The following OTOG variants were observed in gnomAD, a reference collection of about 807,000 sequenced individuals.
OTOG encodes otogelin.
A neutral mutation model predicts 313.8 loss-of-function variants in OTOG; 296 were observed. The observed-to-expected ratio is 0.94, with a 90% CI of 0.86 to 1.04. The LOEUF (loss-of-function observed/expected upper bound fraction) is 1.04. OTOG is among the 50% of genes least tolerant of loss of function. The pLI is 0.00. For synonymous variants in OTOG, 1,533 were observed against 1,554.9 expected, an observed-to-expected ratio of 0.99 and a Z score of 0.33; for missense variants, 3,948 against 3,840.1, an observed-to-expected ratio of 1.03 and a Z score of -0.74.
intron 39 of OTOG, 150 bp downstream of exon 39, chr11:17,613,851 T>C: frequency 1.5e-6 from 1 of 651,858 alleles, no homozygotes; most frequent in Non-Finnish European, 2.7e-6. Flanking sequence ...CAAAATTAGG[T>C]ATATTTGGAA....
chr11:17,601,266 C>A (rs1388973695), intron 31 of OTOG, among the ~76,000 whole-genome samples: 1 of 152,104 alleles, frequency 6.6e-6, no homozygotes, highest in South Asian at 2.1e-4. Context: ...GGAGGGACAA[C>A]ATTTGCATGT....
At chr11:17,576,775 T>G in intron 21 of OTOG, 93 bp from the exon 22 acceptor site, 1 of 1,503,026 alleles carries the variant, frequency 6.7e-7, no homozygotes, top group East Asian at 2.5e-5. Context: ...GGTGTCTTTC[T>G]GAACTCTGCA....
Position 17,559,659 on chromosome 11 carries a change from A to G in OTOG, c.1339A>G (p.Asn447Asp), listed in dbSNP as rs2134008111. ...CTGTGTGGACGGCTGCTATTGCCCC[A>G]ATGGTATGCTAGGGGCAGACGTAGG... is the stretch of plus-strand genomic sequence containing the variant. ...IACVDGCYCP[N>D]GLIFEDGGCV... The change falls in exon 12 of 56, where the codon AAT (asparagine) becomes GAT (aspartate). Residue 447 changes from asparagine (N) to aspartate (D), a missense_variant. Coordinates refer to ENST00000399397, the MANE Select transcript of OTOG (RefSeq NM_001292063.2). 2 of 1,550,694 alleles carry G rather than the reference A, an allele frequency of 1.3e-6. No homozygotes were observed. The highest frequency in any genetic ancestry group is 1.7e-6 in the Non-Finnish European group (2 of 1,147,036).
chr11:17,589,223 C>T (rs1457265346), intron 24 of OTOG, among the ~76,000 whole-genome samples: 1 of 152,102 alleles, frequency 6.6e-6, no homozygotes, highest in Non-Finnish European at 1.5e-5. Context: ...TCGAAAAGGC[C>T]CTTAGAGCTG....
intron 25 of OTOG, among the ~76,000 whole-genome samples, chr11:17,592,638 A>G (rs1484384931): frequency 6.6e-6 from 1 of 152,192 alleles, no homozygotes; most frequent in Non-Finnish European, 1.5e-5. Flanking sequence ...ACTTGATTTC[A>G]TATAGTTGGT....
Position 17,578,589 on chromosome 11 carries a change from G to C in OTOG, c.2759+63G>C. The C allele has an allele frequency of 2.1e-6, 3 of 1,459,392 alleles. No individual in the cohort carries two copies. The South Asian group carries it at 4.2e-5, about 20-fold the overall frequency. The allele number at this position is 1,459,392 out of a possible 1,614,324, so 90.4% of individuals were successfully genotyped here. On this transcript the variant is annotated intron_variant, in intron 23 of 55. Coordinates refer to ENST00000399397, the MANE Select transcript of OTOG (RefSeq NM_001292063.2). ...GGCTGGCAGAACCAAGGGCCACAGG[G>C]TGGAGTGGGGGCAGGGAAAACATCA...
Position 17,643,107 on chromosome 11 carries a change from A to G in OTOG, c.8416-354A>G, listed in dbSNP as rs777281150. On this transcript the variant is annotated intron_variant, in intron 53 of 55. Transcript: ENST00000399397. ...CCAGGGCTGAGGTAGAGCCCAGGCC[A>G]CTGACCAAAGTGGGTGACCCCTGCG... Among the ~76,000 whole-genome samples the G allele has an allele frequency of 6.9e-4, 105 of 152,368 alleles. 1 individual carries two copies. The highest frequency in any genetic ancestry group is 6.8e-3 in the Middle Eastern group (2 of 294).
In OTOG at chr11:17,610,930, T is replaced by G; in HGVS notation, c.5630T>G (p.Leu1877Arg). ...GCAGCAGGCACAGCTCCAGGCCTGC[T>G]GCTGGGAGCCACATTGCCAACCTCT... is the stretch of plus-strand genomic sequence containing the variant. Reference protein sequence around the residue: ...PPAAGTAPGLLLGATLPTSGV... With the variant: ...PPAAGTAPGLRLGATLPTSGV... The change falls in exon 36 of 56, where the codon CTG becomes CGG. Residue 1877 changes from leucine (L) to arginine (R), a missense_variant. Transcript: ENST00000399397. The G allele has an allele frequency of 6.5e-7, 1 of 1,550,296 alleles. No homozygotes were observed. The highest frequency in any genetic ancestry group is 8.7e-7 in the Non-Finnish European group (1 of 1,146,926).
intron 1 of OTOG, chr11:17,547,679 C>A: frequency 1.1e-6 from 1 of 926,084 alleles, no homozygotes; most frequent in Non-Finnish European, 1.4e-6. Context: ...CAAAGTTAGG[C>A]TGGGTGGAAG....
At chr11:17,591,695 G>A (rs1852941513) in intron 25 of OTOG, 107 bp downstream of exon 25, 1 of 1,388,424 alleles carries the variant, frequency 7.2e-7, no homozygotes, top group Non-Finnish European at 9.7e-7. Flanking sequence ...GGGGATCTAA[G>A]CCCTGAGGTG....
intron 6 of OTOG, 114 bp downstream of exon 6, chr11:17,553,633 C>T (rs542311051): frequency 7.1e-5 from 72 of 1,020,624 alleles, no homozygotes; most frequent in Middle Eastern, 3.2e-4. Flanking sequence ...CTCCTTGCAT[C>T]GCCCCCCAGC....
In OTOG at chr11:17,603,428, T is replaced by G. The variant is rs113576600; in HGVS notation, c.3877+1051T>G. On this transcript the variant is annotated intron_variant, in intron 32 of 55. Coordinates refer to ENST00000399397, the MANE Select transcript of OTOG (RefSeq NM_001292063.2). The stretch of plus-strand genomic sequence containing the variant: ...CAGTATTTTAATCTAGTAGGTAATG[T>G]GTAGTCCAGAGGGGGTGTTGCCTTT... Among the ~76,000 whole-genome samples the G allele has an allele frequency of 3.4e-3, 514 of 152,304 alleles. 3 individuals are homozygous for G. The highest frequency in any genetic ancestry group is 0.012 in the African/African-American group (489 of 41,566).
chr11:17,629,101 C>T, intron 39 of OTOG, 32 bp from the exon 40 acceptor site: 2 of 1,531,596 alleles, frequency 1.3e-6, no homozygotes, highest in Non-Finnish European at 8.8e-7. Flanking sequence ...AATGGATGGA[C>T]AAGCTGTGCT....
Position 17,594,366 on chromosome 11 carries a change from G to A in OTOG, c.3408+200G>A, listed in dbSNP as rs192896299. ...TGCATAGTCTTGTCTCACAAATCCA[G>A]CTGCCCACCCTACCCTGGACCAAGC... On this transcript the variant is annotated intron_variant, in intron 28 of 55. Coordinates refer to ENST00000399397, the MANE Select transcript of OTOG (RefSeq NM_001292063.2). Among the ~76,000 whole-genome samples the A allele has an allele frequency of 4.1e-4, 63 of 152,258 alleles. No individual in the cohort carries two copies. The East Asian group carries it at 7.4e-3, about 18-fold the overall frequency.
chr11:17,572,011 A>G, intron 17 of OTOG, 69 bp from the exon 18 acceptor site: 1 of 1,541,188 alleles, frequency 6.5e-7, no homozygotes, highest in Non-Finnish European at 8.8e-7. Flanking sequence ...TGTTACCTGG[A>G]TCTATGCTAT....
chr11:17,592,902 G>A (rs1007811835), intron 25 of OTOG, among the ~76,000 whole-genome samples: 1 of 152,226 alleles, frequency 6.6e-6, no homozygotes, highest in African/African-American at 2.4e-5. Context: ...ATGTATGTGA[G>A]ACAGTGCCTC....
chr11:17,614,760 G>A (rs1853681745), intron 39 of OTOG, among the ~76,000 whole-genome samples: 1 of 152,200 alleles, frequency 6.6e-6, no homozygotes, highest in South Asian at 2.1e-4. Context: ...TCCATTGTAT[G>A]TATGTACCAT....
chr11:17,570,143 C>T lies in OTOG; in HGVS notation c.1778-70C>T. 4 of 1,380,528 alleles carry T rather than the reference C, an allele frequency of 2.9e-6. No homozygotes were observed. In the South Asian group the frequency reaches 5.3e-5, roughly 18 times the overall value. The allele number at this position is 1,380,528 out of a possible 1,614,324, so 85.5% of individuals were successfully genotyped here. On this transcript the variant is annotated intron_variant, in intron 16 of 55. Transcript: ENST00000399397. ...GGCGTGGGAGTCTGAGCGGGCCAGG[C>T]AGGTGGTGGTGGTGGGCGGGGTGTG...
At chr11:17,557,427 G>A (rs1192424065) in intron 8 of OTOG, 104 bp downstream of exon 8, 1 of 1,174,480 alleles carries the variant, frequency 8.5e-7, no homozygotes, top group Non-Finnish European at 1.2e-6. Context: ...TGGGGTCGTG[G>A]TCATGGTATT....
Sources: gnomAD v4.1 joint callset for allele counts (sites outside exome capture counted in the v4.1 genomes callset) on GRCh38, gnomAD v4.1.1 for gene constraint, MANE v1.5 for transcripts, NCBI Gene and HGNC (gene_info 2026-07-23, HGNC 2026-07-21) for gene names.